Variants in NRG3 observed in about 807,000 individuals in gnomAD.
NRG3 encodes the protein pro-neuregulin-3, membrane-bound isoform.
A neutral mutation model predicts 66.9 loss-of-function variants in NRG3; 31 were observed. That is an observed-to-expected ratio of 0.46 (90% CI 0.35 to 0.63). The LOEUF is 0.63. NRG3 is among the 20% of genes least tolerant of loss of function. The pLI is 0.00. For missense variants in NRG3, 910 were observed against 878.9 expected (o/e 1.04, Z -0.45); for synonymous variants, 393 against 359.4 (o/e 1.09, Z -1.06).
chr10:82,326,642 C>T (rs1384660419), intron 1 of NRG3, among the ~76,000 whole-genome samples: 1 of 152,108 alleles, frequency 6.6e-6, no homozygotes, highest in Non-Finnish European at 1.5e-5. Flanking sequence ...AGACCCCTAC[C>T]ATTTCTTCTG....
At chr10:81,892,224 G>A (rs1427124736) in intron 1 of NRG3, among the ~76,000 whole-genome samples, 1 of 151,932 alleles carries the variant, frequency 6.6e-6, no homozygotes, top group African/African-American at 2.4e-5. Flanking sequence ...GTCTCTTTGT[G>A]TGTGTATGTC....
At chr10:82,054,490 T>A (rs1334986464) in intron 1 of NRG3, among the ~76,000 whole-genome samples, 1 of 152,156 alleles carries the variant, frequency 6.6e-6, no homozygotes, top group African/African-American at 2.4e-5. Context: ...CTCATTTAGA[T>A]GTGGGTGGAG....
At chr10:82,690,070 C>T (rs897685613) in intron 2 of NRG3, among the ~76,000 whole-genome samples, 32 of 152,272 alleles carry the variant, frequency 2.1e-4, no homozygotes, top group African/African-American at 6.3e-4. Context: ...AGACATAACT[C>T]CACATAGCAA....
At chr10:82,229,177 A>G (rs911771778) in intron 1 of NRG3, 26 of 152,210 alleles carry the variant, frequency 1.7e-4, no homozygotes, top group African/African-American at 6.0e-4. Context: ...GTCTATGAAG[A>G]CTCACCATGT....
intron 4 of NRG3, among the ~76,000 whole-genome samples, chr10:82,901,889 G>C (rs903754504): frequency 7.2e-5 from 11 of 152,126 alleles, no homozygotes; most frequent in African/African-American, 2.7e-4. Flanking sequence ...AATGGTACTT[G>C]CTTTTATTTA....
intron 2 of NRG3, among the ~76,000 whole-genome samples, chr10:82,362,547 G>GTTTTTTTTTTTT (rs1564840163): frequency 4.2e-5 from 2 of 47,234 alleles, no homozygotes; most frequent in East Asian, 1.5e-3. Context: ...ATAATTTCTG[G>GTTTTTTTTTTTT]GTTTTTTTTT....
At chr10:82,499,018 T>C (rs910020570) in intron 2 of NRG3, among the ~76,000 whole-genome samples, 6 of 151,944 alleles carry the variant, frequency 3.9e-5, no homozygotes, top group African/African-American at 1.2e-4. Context: ...TGGAAACATA[T>C]TGAGTAGCAG....
intron 4 of NRG3, among the ~76,000 whole-genome samples, chr10:82,910,151 C>A (rs1295223501): frequency 6.6e-6 from 1 of 152,152 alleles, no homozygotes; most frequent in African/African-American, 2.4e-5. Context: ...ATTCAACACG[C>A]TGGCTGCAGA....
chr10:82,514,469 A>C (rs1427588584), intron 2 of NRG3, among the ~76,000 whole-genome samples: 1 of 152,132 alleles, frequency 6.6e-6, no homozygotes, highest in Non-Finnish European at 1.5e-5. Flanking sequence ...TGTTTTCATC[A>C]GGTTTGTCAA....
At chr10:82,961,480 G>A (rs1039650977) in intron 6 of NRG3, among the ~76,000 whole-genome samples, 1 of 152,184 alleles carries the variant, frequency 6.6e-6, no homozygotes, top group African/African-American at 2.4e-5. Flanking sequence ...CTTGAGAAAG[G>A]TATGTCTGTC....
chr10:82,864,410 GA>G (rs748023854), intron 3 of NRG3, among the ~76,000 whole-genome samples: 8 of 151,962 alleles, frequency 5.3e-5, no homozygotes, highest in South Asian at 2.1e-4. Context: ...TTTCTAAAAG[GA>G]AAAGCTTATT....
intron 2 of NRG3, among the ~76,000 whole-genome samples, chr10:82,508,655 A>C (rs1381160274): frequency 1.3e-5 from 2 of 152,174 alleles, no homozygotes; most frequent in Non-Finnish European, 2.9e-5. Flanking sequence ...TTCTTCCTTA[A>C]ATTTTCTGCT....
intron 4 of NRG3, among the ~76,000 whole-genome samples, chr10:82,942,521 A>T (rs1043084759): frequency 6.6e-6 from 1 of 152,228 alleles, no homozygotes; most frequent in African/African-American, 2.4e-5. Context: ...AAAGAGCACA[A>T]TTTATTTTTC....
At chr10:82,634,292 G>A (rs960624657) in intron 2 of NRG3, among the ~76,000 whole-genome samples, 21 of 152,084 alleles carry the variant, frequency 1.4e-4, no homozygotes, top group Non-Finnish European at 2.9e-4. Context: ...GAGTAGAAAA[G>A]GGTGAAGAAG....
rs150401464 is a variant in NRG3, at chr10:82,985,451, G to A, written c.1937G>A (p.Arg646Gln). 10 of 1,613,990 alleles carry A rather than the reference G, an allele frequency of 6.2e-6. No homozygotes were observed. Among genetic ancestry groups the A allele is most frequent in the Admixed American group, 3.3e-5 (2 of 59,992 alleles). ...EQIRILTDAR[R>Q]SEDYELASVE... is the part of the protein sequence containing the mutation. The stretch of plus-strand genomic sequence containing the variant: ...ATCCGAATTCTGACTGATGCCAGAC[G>A]GTCAGAAGACTACGAACTGGCCAGC... The change falls in exon 9 of 9, where the codon CGG becomes CAG. Residue 646 changes from arginine to glutamine, a missense_variant. Physicochemically the swap from Arg to Gln is conservative, Grantham distance 43. Coordinates refer to ENST00000372141, the MANE Select transcript of NRG3 (RefSeq NM_001010848.4).
intron 6 of NRG3, among the ~76,000 whole-genome samples, chr10:82,970,737 AT>A (rs1303794003): frequency 6.6e-6 from 1 of 152,090 alleles, no homozygotes; most frequent in East Asian, 1.9e-4. Context: ...AATTTTACAT[AT>A]TTTTTTCTTT....
intron 1 of NRG3, among the ~76,000 whole-genome samples, chr10:82,035,620 T>C (rs1564756092): frequency 6.6e-6 from 1 of 152,150 alleles, no homozygotes; most frequent in Non-Finnish European, 1.5e-5. Context: ...ATATTTCCTA[T>C]GACTTACTGG....
In NRG3 at chr10:82,796,116, C is replaced by T. The variant is rs1261897179; in HGVS notation, c.1027+57466C>T. On this transcript the variant is annotated intron_variant, in intron 3 of 8. Coordinates refer to ENST00000372141, the MANE Select transcript of NRG3 (RefSeq NM_001010848.4). ...ATCATAATAAAATGTCTAAGACAGA[C>T]TTATGAGCTTCTCAAACTGTGTTGT... Among the ~76,000 whole-genome samples, 4 of 152,114 alleles carry T rather than the reference C, an allele frequency of 2.6e-5. No homozygotes were observed. In the East Asian group the frequency reaches 7.7e-4, roughly 29 times the overall value.
intron 2 of NRG3, among the ~76,000 whole-genome samples, chr10:82,660,380 C>T (rs560989106): frequency 6.6e-6 from 1 of 152,124 alleles, no homozygotes; most frequent in South Asian, 2.1e-4. Context: ...TATTGGAACA[C>T]TTGATGAAAG....
Sources: allele counts gnomAD v4.1 joint callset (sites outside exome capture counted in the v4.1 genomes callset), GRCh38; gene constraint gnomAD v4.1.1; transcripts MANE v1.5; gene names NCBI Gene and HGNC (gene_info 2026-07-23, HGNC 2026-07-21).